WDFY3: variants seen among roughly 807,000 people sequenced by gnomAD.
The protein encoded by WDFY3 is WD repeat and FYVE domain-containing protein 3.
A neutral mutation model predicts 409.6 loss-of-function variants in WDFY3; 66 were observed. The ratio of observed to expected loss-of-function variants is 0.16; its 90% CI spans 0.13 to 0.20. The LOEUF (loss-of-function observed/expected upper bound fraction) is 0.20, where lower values mean the gene tolerates loss of function less well. WDFY3 is among the 10% of genes least tolerant of loss of function. The pLI, the probability that WDFY3 is intolerant of heterozygous loss-of-function variation, is 1.00. For missense variants in WDFY3, 3,031 were observed against 4,298.1 expected, an observed-to-expected ratio of 0.71 and a Z score of 8.24; for synonymous variants, 1,521 against 1,537.1, an observed-to-expected ratio of 0.99 and a Z score of 0.25.
intron 30 of WDFY3, among the ~76,000 whole-genome samples, chr4:84,772,179 T>A (rs1744789649): frequency 6.6e-6 from 1 of 152,296 alleles, no homozygotes; most frequent in Non-Finnish European, 1.5e-5. Context: ...TATAAGATTC[T>A]GAGAATTTAA....
At chr4:84,959,398 A>G (rs1015475179) in intron 1 of WDFY3, among the ~76,000 whole-genome samples, 1 of 152,012 alleles carries the variant, frequency 6.6e-6, no homozygotes. Flanking sequence ...AATCTATGAG[A>G]AGACGTGAGA....
intron 2 of WDFY3, among the ~76,000 whole-genome samples, chr4:84,924,228 A>G (rs1389694283): frequency 6.6e-6 from 1 of 152,238 alleles, no homozygotes; most frequent in Admixed American, 6.5e-5. Flanking sequence ...GATTTCTGAA[A>G]AGTTATTTTC....
intron 15 of WDFY3, among the ~76,000 whole-genome samples, chr4:84,805,460 A>G (rs1751360633): frequency 6.6e-6 from 1 of 152,198 alleles, no homozygotes; most frequent in South Asian, 2.1e-4. Flanking sequence ...GTATTACAAC[A>G]GGCATTATAC....
At chr4:84,936,149 T>C (rs546121365) in intron 1 of WDFY3, among the ~76,000 whole-genome samples, 1 of 152,312 alleles carries the variant, frequency 6.6e-6, no homozygotes, top group Non-Finnish European at 1.5e-5. Context: ...TGATTAGCTA[T>C]ATCTCCCTGG....
At chr4:84,761,666 T>G (rs1470167199) in intron 32 of WDFY3, among the ~76,000 whole-genome samples, 1 of 152,140 alleles carries the variant, frequency 6.6e-6, no homozygotes, top group Non-Finnish European at 1.5e-5. Flanking sequence ...ACCATCAGAA[T>G]GAACAGGCAA....
intron 27 of WDFY3, among the ~76,000 whole-genome samples, chr4:84,775,849 T>C (rs1745460484): frequency 1.3e-5 from 2 of 151,862 alleles, no homozygotes; most frequent in African/African-American, 2.4e-5. Flanking sequence ...AACAGTCAAC[T>C]AGAACTCTAT....
chr4:84,910,952 T>A (rs564468991), intron 2 of WDFY3, among the ~76,000 whole-genome samples: 4 of 151,624 alleles, frequency 2.6e-5, no homozygotes, highest in African/African-American at 9.7e-5. Context: ...ACTCCTGACC[T>A]CAGGTGATCC....
At chr4:84,840,275 A>T (rs61605602) in intron 6 of WDFY3, among the ~76,000 whole-genome samples, 54 of 152,336 alleles carry the variant, frequency 3.5e-4, no homozygotes, top group African/African-American at 1.3e-3. Context: ...ATTACAGCTG[A>T]TTTGGAGGAA....
At chr4:84,819,754 C>T (rs1428638788) in intron 12 of WDFY3, among the ~76,000 whole-genome samples, 4 of 151,942 alleles carry the variant, frequency 2.6e-5, no homozygotes, top group African/African-American at 9.7e-5. Context: ...CTTTAAATCA[C>T]TGTGTAAAGA....
Position 84,821,436 on chromosome 4 carries a change from A to G in WDFY3, c.1239T>C (p.Ala413=), listed in dbSNP as rs1466420026. The G allele has an allele frequency of 8.7e-6, 14 of 1,613,936 alleles. No individual in the cohort carries two copies. Among genetic ancestry groups the G allele is most frequent in the African/African-American group, 1.3e-5 (1 of 75,040 alleles). The change falls in exon 11 of 68, where the codon GCT becomes GCC. Residue 413 remains alanine, a synonymous_variant. Transcript: ENST00000295888. ...CTAGGATGAAGTAATTGGCATTGTC[A>G]GCCATGTAAATATTTGTGATAGCAT... ...ILDAITNIYM[A]DNANYFILES... is the part of the protein sequence containing the mutation.
chr4:84,786,893 A>G (rs1195046956), intron 23 of WDFY3, among the ~76,000 whole-genome samples: 1 of 152,218 alleles, frequency 6.6e-6, no homozygotes, highest in Admixed American at 6.5e-5. Context: ...ACCATTTACA[A>G]TATACTTGTC....
At chr4:84,803,617 T>C in intron 15 of WDFY3, 150 bp from the exon 16 acceptor site, 2 of 821,234 alleles carry the variant, frequency 2.4e-6, no homozygotes, top group Admixed American at 3.0e-5. Context: ...TCAACTCGAG[T>C]TGATATGTGT....
intron 43 of WDFY3, among the ~76,000 whole-genome samples, chr4:84,734,113 G>A (rs1737046199): frequency 6.6e-6 from 1 of 152,156 alleles, no homozygotes; most frequent in Admixed American, 6.5e-5. Context: ...ATATAAACAT[G>A]CAGCACTAAG....
intron 5 of WDFY3, among the ~76,000 whole-genome samples, chr4:84,846,313 T>C (rs72664933): frequency 9.1e-4 from 139 of 152,248 alleles, no homozygotes; most frequent in Non-Finnish European, 1.6e-3. Flanking sequence ...CACATGATCC[T>C]AGCTACTATT....
At chr4:84,793,709 A>C (rs1227705834) in intron 21 of WDFY3, among the ~76,000 whole-genome samples, 1 of 152,238 alleles carries the variant, frequency 6.6e-6, no homozygotes, top group Admixed American at 6.5e-5. Flanking sequence ...ATAAAGCGTC[A>C]TAACAAGAAT....
chr4:84,826,085 T>TTA, intron 10 of WDFY3, among the ~76,000 whole-genome samples: 4 of 152,262 alleles, frequency 2.6e-5, no homozygotes, highest in Admixed American at 2.6e-4. Flanking sequence ...ATACAAGCAG[T>TTA]TATACTTCAT....
chr4:84,856,735 T>C (rs891644085), intron 4 of WDFY3, among the ~76,000 whole-genome samples: 2 of 152,186 alleles, frequency 1.3e-5, no homozygotes, highest in Non-Finnish European at 1.5e-5. Flanking sequence ...AAAACTAGTC[T>C]GTAGCTAGAT....
Position 84,751,704 on chromosome 4 carries a change from C to G in WDFY3, c.5752G>C (p.Asp1918His). The G allele has an allele frequency of 6.2e-7, 1 of 1,614,162 alleles. No individual in the cohort carries two copies. Among genetic ancestry groups the G allele is most frequent in the Non-Finnish European group, 8.5e-7 (1 of 1,180,026 alleles). The stretch of plus-strand genomic sequence containing the variant: ...TCTGCTGGAGATCCAACTTCATCAT[C>G]AAGGTCAGTCACCTAGTAAAATCAA... ...RPYSEMVTDL[D>H]DEVGSPAEEF... The change falls in exon 36 of 68, where the codon GAT becomes CAT. Residue 1918 changes from aspartate (D) to histidine (H), a missense_variant. By Grantham distance (81) the Asp-to-His change is moderately conservative. Around this residue, in one of 16 missense-constraint regions of WDFY3, gnomAD observed 314 missense variants for 397.4 expected, o/e 0.79. Coordinates refer to ENST00000295888, the MANE Select transcript of WDFY3 (RefSeq NM_014991.6).
At chr4:84,799,993 C>T (rs189978163) in intron 17 of WDFY3, among the ~76,000 whole-genome samples, 2 of 152,110 alleles carry the variant, frequency 1.3e-5, no homozygotes, top group Non-Finnish European at 2.9e-5. Flanking sequence ...CTCTCTCTCT[C>T]TGTGTGTTTC....
Sources: allele counts gnomAD v4.1 joint callset (sites outside exome capture counted in the v4.1 genomes callset), GRCh38; gene constraint gnomAD v4.1.1; regional missense constraint gnomAD v4.1.1; transcripts MANE v1.5; gene names NCBI Gene and HGNC (gene_info 2026-07-23, HGNC 2026-07-21).